Variants in TSPAN18 observed in about 807,000 individuals in gnomAD.
TSPAN18 encodes the protein tetraspanin 18.
Under a neutral mutation model 27.3 loss-of-function variants are expected in TSPAN18, and 14 were observed. That is an observed-to-expected ratio of 0.51 (90% CI 0.34 to 0.80). TSPAN18 has a LOEUF of 0.80. TSPAN18 is among the 30% of genes least tolerant of loss of function. The pLI is 0.01. For synonymous variants in TSPAN18, 143 were observed against 136.5 expected, an observed-to-expected ratio of 1.05 and a Z score of -0.33; for missense variants, 268 against 323.9, an observed-to-expected ratio of 0.83 and a Z score of 1.32.
chr11:44,829,821 C>A, intron 2 of TSPAN18, among the ~76,000 whole-genome samples: 1 of 152,190 alleles, frequency 6.6e-6, no homozygotes. Context: ...AGAGTCACAT[C>A]CATGCCAGCA....
intron 1 of TSPAN18, among the ~76,000 whole-genome samples, chr11:44,731,903 A>G (rs1013706137): frequency 1.3e-5 from 2 of 152,104 alleles, no homozygotes; most frequent in South Asian, 2.1e-4. Context: ...ACCCTTCACC[A>G]TGGTATGAAA....
chr11:44,890,742 CAAAAAAAA>C (rs60185116), intron 3 of TSPAN18, among the ~76,000 whole-genome samples: 2 of 80,464 alleles, frequency 2.5e-5, no homozygotes, highest in Non-Finnish European at 4.9e-5. Flanking sequence ...GACTCCAACT[CAAAAAAAA>C]AAAAAAAAAA....
chr11:44,855,406 A>G (rs1199004177), intron 2 of TSPAN18, among the ~76,000 whole-genome samples: 2 of 152,244 alleles, frequency 1.3e-5, no homozygotes, highest in African/African-American at 4.8e-5. Flanking sequence ...GGGGAAAGGT[A>G]TCACTAGTTA....
intron 5 of TSPAN18, among the ~76,000 whole-genome samples, chr11:44,913,048 C>T (rs1859782024): frequency 6.6e-6 from 1 of 152,224 alleles, no homozygotes; most frequent in Admixed American, 6.5e-5. Context: ...CCCGGCTGAA[C>T]CTGGACCTAA....
chr11:44,780,763 A>T lies in TSPAN18; in HGVS notation c.-153+16251A>T, dbSNP rs370792275. 3.3e-5 allele frequency among the ~76,000 whole-genome samples: 5 copies of T among 152,210 alleles called. No individual in the cohort carries two copies. In the East Asian group the frequency reaches 7.7e-4, roughly 23 times the overall value. ...TTTCCCCATCTGTAAAATAGGGATC[A>T]TGGTTCCTCACTCCTGGGGAGGGGC... On this transcript the variant is annotated intron_variant, in intron 2 of 9. Coordinates refer to ENST00000520358, the MANE Select transcript of TSPAN18 (RefSeq NM_130783.5).
chr11:44,885,256 T>A (rs940299680), intron 3 of TSPAN18, among the ~76,000 whole-genome samples: 3 of 152,176 alleles, frequency 2.0e-5, no homozygotes, highest in Non-Finnish European at 4.4e-5. Flanking sequence ...CCTGCCCAGC[T>A]CCCATGAGGT....
chr11:44,865,463 G>A (rs117331155), intron 3 of TSPAN18, among the ~76,000 whole-genome samples: 2,467 of 152,238 alleles, frequency 0.016, 27 homozygotes, highest in Non-Finnish European at 0.023. Context: ...GCTCCCACAC[G>A]GGTTTTTCCA....
intron 3 of TSPAN18, among the ~76,000 whole-genome samples, chr11:44,906,086 C>G (rs890276635): frequency 6.6e-6 from 1 of 152,242 alleles, no homozygotes; most frequent in African/African-American, 2.4e-5. Context: ...ATGTGCTAAG[C>G]ATGTTACTGT....
chr11:44,772,671 T>G (rs905998064), intron 2 of TSPAN18, among the ~76,000 whole-genome samples: 8 of 152,344 alleles, frequency 5.3e-5, no homozygotes, highest in Admixed American at 6.5e-5. Flanking sequence ...ATTATTTATT[T>G]ATTTTGAGAT....
intron 8 of TSPAN18, among the ~76,000 whole-genome samples, chr11:44,922,794 T>C (rs1404072316): frequency 2.0e-5 from 3 of 152,066 alleles, no homozygotes; most frequent in African/African-American, 7.2e-5. Context: ...TTGCATTCAG[T>C]CTGGGGCATG....
In TSPAN18 at chr11:44,919,209, C is replaced by A. The variant is rs1348336630; in HGVS notation, c.334-5C>A. The A allele has an allele frequency of 1.2e-6, 2 of 1,613,590 alleles. No individual in the cohort carries two copies. Among genetic ancestry groups the A allele is most frequent in the Non-Finnish European group, 1.7e-6 (2 of 1,179,600 alleles). ...CCTAAGCCCATCTTCTCCCTCTGCCCCCAGCTCACCCGAGAATTCTTCACC... is the reference window on the plus strand; with the variant it reads ...CCTAAGCCCATCTTCTCCCTCTGCCACCAGCTCACCCGAGAATTCTTCACC... On this transcript the variant is annotated splice_polypyrimidine_tract_variant and splice_region_variant and intron_variant, in intron 6 of 9. Transcript: ENST00000520358.
At chr11:44,864,363 G>A (rs1287529345) in intron 3 of TSPAN18, among the ~76,000 whole-genome samples, 3 of 151,508 alleles carry the variant, frequency 2.0e-5, no homozygotes, top group Non-Finnish European at 4.4e-5. Context: ...GTTGGGGTTG[G>A]GGCTGCCTTA....
intron 2 of TSPAN18, among the ~76,000 whole-genome samples, chr11:44,835,882 G>A (rs1364145554): frequency 6.6e-6 from 1 of 151,992 alleles, no homozygotes; most frequent in Non-Finnish European, 1.5e-5. Context: ...GATCTTTGAT[G>A]TTACTGTTGT....
At chr11:44,906,996 A>G (rs1859476306) in intron 4 of TSPAN18, among the ~76,000 whole-genome samples, 1 of 152,168 alleles carries the variant, frequency 6.6e-6, no homozygotes, top group East Asian at 1.9e-4. Context: ...ACCTCTCTGA[A>G]CCTCAGTATC....
chr11:44,790,406 CGT>C (rs1168971634), intron 2 of TSPAN18, among the ~76,000 whole-genome samples: 3 of 123,450 alleles, frequency 2.4e-5, no homozygotes, highest in Non-Finnish European at 3.4e-5. Flanking sequence ...CTTGCTTGTA[CGT>C]GTGTGCATGT....
intron 1 of TSPAN18, among the ~76,000 whole-genome samples, chr11:44,747,763 A>C (rs1035808092): frequency 7.9e-5 from 12 of 151,950 alleles, no homozygotes; most frequent in Admixed American, 7.9e-4. Context: ...CTCACACGCT[A>C]CCTTCACACT....
chr11:44,784,439 C>T (rs1294617029), intron 2 of TSPAN18, among the ~76,000 whole-genome samples: 1 of 152,192 alleles, frequency 6.6e-6, no homozygotes, highest in Non-Finnish European at 1.5e-5. Context: ...TACCTCTCCA[C>T]AAAGGCCATA....
chr11:44,840,399 A>G (rs1857349791), intron 2 of TSPAN18, among the ~76,000 whole-genome samples: 1 of 152,238 alleles, frequency 6.6e-6, no homozygotes, highest in Non-Finnish European at 1.5e-5. Flanking sequence ...AGCACTTTGT[A>G]AAGGATAAAG....
At chr11:44,757,633 T>C (rs1364330927) in intron 1 of TSPAN18, among the ~76,000 whole-genome samples, 2 of 152,118 alleles carry the variant, frequency 1.3e-5, no homozygotes, top group African/African-American at 4.8e-5. Flanking sequence ...GATCTGCCCA[T>C]CTCTTCCTCC....
Sources: gnomAD v4.1 joint callset for allele counts (sites outside exome capture counted in the v4.1 genomes callset) on GRCh38, gnomAD v4.1.1 for gene constraint, MANE v1.5 for transcripts, NCBI Gene and HGNC (gene_info 2026-07-23, HGNC 2026-07-21) for gene names.